The following TLN2 variants were observed in gnomAD, a reference collection of about 807,000 sequenced individuals.
The protein encoded by TLN2 is talin-2.
Under a neutral mutation model 294.7 loss-of-function variants are expected in TLN2, and 118 were observed. The observed-to-expected ratio is 0.40, with a 90% CI of 0.34 to 0.47. The LOEUF is 0.47. Ranked by LOEUF, TLN2 falls within the 20% of genes least tolerant of loss-of-function variation. TLN2 has a pLI of 0.84. For missense variants in TLN2, 3,083 were observed against 3,282.2 expected, an observed-to-expected ratio of 0.94 and a Z score of 1.48; for synonymous variants, 1,431 against 1,304.5, an observed-to-expected ratio of 1.10 and a Z score of -2.09.
chr15:62,781,156 C>T lies in TLN2; in HGVS notation c.5531C>T (p.Pro1844Leu), dbSNP rs780528638. The T allele has an allele frequency of 6.2e-7, 1 of 1,614,012 alleles. No individual in the cohort carries two copies. The highest frequency in any genetic ancestry group is 1.7e-5 in the Admixed American group (1 of 60,034). The change falls in exon 44 of 59, where the codon CCT becomes CTT. Residue 1844 changes from proline to leucine, a missense_variant. Physicochemically the swap from Pro to Leu is moderately conservative, Grantham distance 98. Coordinates refer to ENST00000636159, the MANE Select transcript of TLN2 (RefSeq NM_015059.3). The part of the protein sequence containing the change: ...EAMSKLDEGT[P>L]PEPKGTFVDY... ...CCTCTGTAGCTGGATGAAGGCACTC[C>T]TCCAGAACCAAAGGGAACATTTGTC...
At chr15:62,671,104 T>C (rs1285320441) in intron 9 of TLN2, among the ~76,000 whole-genome samples, 2 of 152,242 alleles carry the variant, frequency 1.3e-5, no homozygotes, top group African/African-American at 4.8e-5. Context: ...TGACTGTTCA[T>C]GTCCTCTGCC....
chr15:62,400,296 A>G (rs1301566718), intron 1 of TLN2, among the ~76,000 whole-genome samples: 2 of 152,232 alleles, frequency 1.3e-5, no homozygotes, highest in Admixed American at 1.3e-4. Flanking sequence ...CCAGTCTTGG[A>G]TATGTCCTTA....
chr15:62,691,692 T>G (rs1057186155), intron 12 of TLN2, among the ~76,000 whole-genome samples: 5 of 152,132 alleles, frequency 3.3e-5, no homozygotes, highest in African/African-American at 1.2e-4. Context: ...GGAGACCTGT[T>G]TTTTTTGGAG....
At chr15:62,544,726 C>CTTTTT (rs11424816) in intron 1 of TLN2, among the ~76,000 whole-genome samples, 1 of 144,870 alleles carries the variant, frequency 6.9e-6, no homozygotes. Flanking sequence ...AGTAGAAAAG[C>CTTTTT]TTTTTTTTTT....
chr15:62,435,640 C>T lies in TLN2; in HGVS notation c.-238+44955C>T, dbSNP rs568539237. Reference sequence around the variant, plus strand: ...CACTGCAACTTCTGCCTCCCGGGTTCGAGCAACTCTCTTGCCTTAGCCTCC... The same window carrying T: ...CACTGCAACTTCTGCCTCCCGGGTTTGAGCAACTCTCTTGCCTTAGCCTCC... On this transcript the variant is annotated intron_variant, in intron 1 of 58. Transcript: ENST00000636159. 3.1e-3 allele frequency among the ~76,000 whole-genome samples: 467 copies of T among 152,314 alleles called. 4 individuals carry two copies. In the Middle Eastern group the frequency reaches 0.037, roughly 12 times the overall value.
intron 1 of TLN2, among the ~76,000 whole-genome samples, chr15:62,406,751 C>G (rs1270046960): frequency 6.6e-6 from 1 of 152,122 alleles, no homozygotes; most frequent in African/African-American, 2.4e-5. Context: ...AGCTAGTCCT[C>G]AGTCTGATCT....
chr15:62,491,347 T>TACACACACAC (rs1345830691), intron 1 of TLN2, among the ~76,000 whole-genome samples: 8 of 82,292 alleles, frequency 9.7e-5, no homozygotes, highest in African/African-American at 3.1e-4. Context: ...AATATATATA[T>TACACACACAC]ATATACACAC....
chr15:62,694,273 G>C, intron 13 of TLN2, 43 bp from the exon 14 acceptor site: 2 of 1,599,968 alleles, frequency 1.3e-6, no homozygotes, highest in Non-Finnish European at 1.7e-6. Flanking sequence ...CACCGCGCGT[G>C]GCCTGGTTTT....
At chr15:62,690,193 G>C (rs975347309) in intron 12 of TLN2, 64 of 158,606 alleles carry the variant, frequency 4.0e-4, no homozygotes, top group Non-Finnish European at 6.7e-4. Context: ...GCCAGGCGGA[G>C]ACGCTCCTCA....
chr15:62,700,641 G>A (rs1037587080), intron 16 of TLN2, among the ~76,000 whole-genome samples: 4 of 152,100 alleles, frequency 2.6e-5, no homozygotes, highest in African/African-American at 9.7e-5. Context: ...GACAATGCAC[G>A]TTGTAAGCAA....
At chr15:62,800,519 GA>G in intron 49 of TLN2, 26 bp downstream of exon 49, 1 of 1,612,964 alleles carries the variant, frequency 6.2e-7, no homozygotes, top group Non-Finnish European at 8.5e-7. Flanking sequence ...GACTGGGGAT[GA>G]GCACCTGAGT....
chr15:62,614,889 C>G (rs896262515), intron 2 of TLN2, among the ~76,000 whole-genome samples: 4 of 152,138 alleles, frequency 2.6e-5, no homozygotes, highest in African/African-American at 9.6e-5. Context: ...CACTGCAACC[C>G]CCGCCTCCCA....
chr15:62,481,041 A>T (rs1485997580), intron 1 of TLN2, among the ~76,000 whole-genome samples: 1 of 152,062 alleles, frequency 6.6e-6, no homozygotes, highest in Non-Finnish European at 1.5e-5. Context: ...CCCCATTCCA[A>T]CGAACTAGTC....
At chr15:62,734,289 G>A (rs1210548685) in intron 28 of TLN2, among the ~76,000 whole-genome samples, 1 of 152,156 alleles carries the variant, frequency 6.6e-6, no homozygotes, top group Non-Finnish European at 1.5e-5. Flanking sequence ...AAATAGAAGT[G>A]GATTCAAGAG....
At chr15:62,414,835 C>T (rs1377204618) in intron 1 of TLN2, among the ~76,000 whole-genome samples, 1 of 141,538 alleles carries the variant, frequency 7.1e-6, no homozygotes, top group Non-Finnish European at 1.5e-5. Context: ...TAAAAGCAGA[C>T]TCTGGTTGTG....
At position 62,840,796 on chromosome 15, in the gene TLN2, G is replaced by A. The variant is rs554063053; in HGVS notation, c.*186G>A. On this transcript the variant is annotated 3_prime_UTR_variant, in exon 59 of 59. Transcript: ENST00000636159. ...TGGCTGCATGATCGTGATGTCACAC[G>A]GTACAATGTCCTACCCACAACTCCT... 3.1e-5 allele frequency: 24 copies of A among 775,978 alleles called. No individual in the cohort carries two copies. The highest frequency in any genetic ancestry group is 2.0e-4 in the East Asian group (7 of 35,734). 48.1% of individuals were successfully genotyped at this position (775,978 alleles called of 1,614,324 possible).
intron 1 of TLN2, among the ~76,000 whole-genome samples, chr15:62,522,854 G>C (rs1285735411): frequency 6.6e-6 from 1 of 151,856 alleles, no homozygotes; most frequent in Non-Finnish European, 1.5e-5. Flanking sequence ...CTTTGACAAA[G>C]ATTCACTCAC....
chr15:62,690,077 GCGGC>G (rs1413432771), intron 12 of TLN2, among the ~76,000 whole-genome samples: 4 of 106,602 alleles, frequency 3.8e-5, no homozygotes, highest in Non-Finnish European at 1.9e-5. Flanking sequence ...CCCGGACGGG[GCGGC>G]CGGCCGGGCG....
intron 32 of TLN2, among the ~76,000 whole-genome samples, chr15:62,744,692 G>A (rs376599738): frequency 4.6e-5 from 7 of 151,966 alleles, no homozygotes; most frequent in Middle Eastern, 3.4e-3. Flanking sequence ...GATTACAGGC[G>A]CATGCCACCA....
Sources: gnomAD v4.1 joint callset for allele counts (sites outside exome capture counted in the v4.1 genomes callset) on GRCh38, gnomAD v4.1.1 for gene constraint, MANE v1.5 for transcripts, NCBI Gene and HGNC (gene_info 2026-07-23, HGNC 2026-07-21) for gene names.